The following ZNF385D variants were observed in gnomAD, a reference collection of about 807,000 sequenced individuals.
ZNF385D encodes zinc finger protein 659.
A neutral mutation model predicts 35.8 loss-of-function variants in ZNF385D; 15 were observed. The ratio of observed to expected loss-of-function variants is 0.42; its 90% CI spans 0.28 to 0.64. The LOEUF (loss-of-function observed/expected upper bound fraction) is 0.64, where lower values mean the gene tolerates loss of function less well. Among genes scored for constraint, ZNF385D ranks in the 30% least tolerant of loss-of-function variants. The probability of loss-of-function intolerance (pLI) is 0.23; values close to 1 mark genes in which losing one functional copy is unlikely to be tolerated. For missense variants in ZNF385D, 474 were observed against 494.6 expected (o/e 0.96, Z 0.39); for synonymous variants, 212 against 186.8 (o/e 1.13, Z -1.10).
chr3:22,003,343 A>C (rs1239296095), intron 3 of ZNF385D, among the ~76,000 whole-genome samples: 1 of 152,192 alleles, frequency 6.6e-6, no homozygotes, highest in Non-Finnish European at 1.5e-5. Context: ...CAAAAAAAGC[A>C]TAATTCCTGT....
rs1235961390 is a variant in ZNF385D, at chr3:21,779,328, G to T, written c.326-114300C>A. Among the ~76,000 whole-genome samples, 3 of 151,826 alleles carry T rather than the reference G, an allele frequency of 2.0e-5. No individual in the cohort carries two copies. In the East Asian group the frequency reaches 5.8e-4, roughly 30 times the overall value. The stretch of plus-strand genomic sequence containing the variant: ...TAAGCCCCAAATAGTTCAAGCATTT[G>T]TATTCTGAAACATGTCTAAATAGCC... On this transcript the variant is annotated intron_variant, in intron 3 of 5. Coordinates refer to the ZNF385D transcript ENST00000494108.
chr3:21,414,948 G>A lies in ZNF385D; in HGVS notation c.*6266C>T, dbSNP rs952235036. ...TCATAAGAGACATAAAGCATCTCAC[G>A]AAGGGTCTTTATCCAATATTAGTTG... On this transcript the variant is annotated 3_prime_UTR_variant, in exon 8 of 8. Transcript: ENST00000281523. 3.3e-5 allele frequency: 5 copies of A among 152,102 alleles called. No individual in the cohort carries two copies. The highest frequency in any genetic ancestry group is 7.2e-5 in the African/African-American group (3 of 41,502). The allele number at this position is 152,102 out of a possible 1,614,324, so 9.4% of individuals were successfully genotyped here. A position where few individuals can be genotyped will look rare whatever the true frequency, so the allele number is the denominator to read the frequency against.
intron 2 of ZNF385D, among the ~76,000 whole-genome samples, chr3:22,317,106 C>T (rs1294010620): frequency 1.3e-5 from 2 of 151,534 alleles, no homozygotes; most frequent in African/African-American, 4.8e-5. Flanking sequence ...GGAGAAACCC[C>T]TTCTCTACTA....
intron 3 of ZNF385D, among the ~76,000 whole-genome samples, chr3:21,822,077 T>G (rs183810432): frequency 1.1e-3 from 166 of 152,226 alleles, no homozygotes; most frequent in African/African-American, 3.4e-3. Context: ...TAAAATAATT[T>G]TTTTTCTTTT....
Position 21,581,157 on chromosome 3 carries a change from C to T in ZNF385D, c.166-16473G>A, listed in dbSNP as rs915497475. 4.5e-4 allele frequency among the ~76,000 whole-genome samples: 69 copies of T among 152,178 alleles called. 5 individuals are homozygous for T. The highest frequency in any genetic ancestry group is 2.9e-5 in the Non-Finnish European group (2 of 68,042). On this transcript the variant is annotated intron_variant, in intron 2 of 7. Transcript: ENST00000281523. Reference sequence around the variant, plus strand: ...TTTCTCCATTCATTTTCCATTACTGCTTGCCCCAGACATTTTGCTGCAATA... The same window carrying T: ...TTTCTCCATTCATTTTCCATTACTGTTTGCCCCAGACATTTTGCTGCAATA...
chr3:21,891,366 C>A (rs1698856187), intron 3 of ZNF385D, among the ~76,000 whole-genome samples: 1 of 152,144 alleles, frequency 6.6e-6, no homozygotes, highest in South Asian at 2.1e-4. Flanking sequence ...TAAAGCACAG[C>A]TTTCAAGTAA....
At chr3:22,086,645 G>T (rs966896590) in intron 3 of ZNF385D, among the ~76,000 whole-genome samples, 1 of 152,066 alleles carries the variant, frequency 6.6e-6, no homozygotes, top group Non-Finnish European at 1.5e-5. Flanking sequence ...TGTGTTTGTT[G>T]TGGCACTATT....
chr3:21,695,182 T>G (rs972160767), intron 1 of ZNF385D, among the ~76,000 whole-genome samples: 1 of 152,206 alleles, frequency 6.6e-6, no homozygotes, highest in Admixed American at 6.5e-5. Flanking sequence ...AAAAGCGCGA[T>G]GTGAAAAGCA....
At chr3:21,770,747 C>T (rs191167165) in intron 3 of ZNF385D, among the ~76,000 whole-genome samples, 2,093 of 152,200 alleles carry the variant, frequency 0.014, 46 homozygotes, top group African/African-American at 0.048. Context: ...GGGTATATTC[C>T]CAAATGATTA....
chr3:22,063,128 A>T (rs1474330255), intron 3 of ZNF385D, among the ~76,000 whole-genome samples: 10 of 152,214 alleles, frequency 6.6e-5, no homozygotes, highest in African/African-American at 2.4e-4. Flanking sequence ...CTAAAAGAAG[A>T]CATTCCTGAA....
intron 3 of ZNF385D, among the ~76,000 whole-genome samples, chr3:22,133,403 G>T (rs1404823392): frequency 6.6e-6 from 1 of 152,066 alleles, no homozygotes; most frequent in Middle Eastern, 3.4e-3. Context: ...AGGGAGGGAA[G>T]GAGAGGCAGG....
chr3:21,954,115 T>C (rs915522917), intron 3 of ZNF385D, among the ~76,000 whole-genome samples: 2 of 152,010 alleles, frequency 1.3e-5, no homozygotes, highest in South Asian at 2.1e-4. Context: ...GAAGATAAGA[T>C]ACAACATATG....
chr3:21,823,947 G>A (rs73042727), intron 3 of ZNF385D, among the ~76,000 whole-genome samples: 1 of 152,062 alleles, frequency 6.6e-6, no homozygotes, highest in Non-Finnish European at 1.5e-5. Context: ...TCACTTTATT[G>A]AGAAATCATT....
chr3:22,232,321 C>CT lies in ZNF385D; in HGVS notation c.107-63287dup, dbSNP rs35548918. Among the ~76,000 whole-genome samples the CT allele has an allele frequency of 6.1e-3, 896 of 147,914 alleles. 4 individuals are homozygous for CT. Among genetic ancestry groups the CT allele is most frequent in the Non-Finnish European group, 9.6e-3 (637 of 66,492 alleles). Reference sequence around the variant, plus strand: ...TATTAATGAAATTGTATGATTACACCTTTTTTTTTTTTCAAATTTCCTACT... The same window carrying CT: ...TATTAATGAAATTGTATGATTACACCTTTTTTTTTTTTTCAAATTTCCTACT... On this transcript the variant is annotated intron_variant, in intron 2 of 5. Coordinates refer to the ZNF385D transcript ENST00000494108.
intron 1 of ZNF385D, among the ~76,000 whole-genome samples, chr3:21,734,281 C>T (rs1273141679): frequency 1.7e-5 from 1 of 59,534 alleles, no homozygotes; most frequent in Non-Finnish European, 4.0e-5. Flanking sequence ...CCAGAACACT[C>T]AGGGTTTTTT....
At chr3:21,689,476 T>C (rs1420616116) in intron 1 of ZNF385D, among the ~76,000 whole-genome samples, 1 of 152,146 alleles carries the variant, frequency 6.6e-6, no homozygotes, top group Non-Finnish European at 1.5e-5. Context: ...AAGGGTGGAC[T>C]TGAGGAAAAA....
intron 2 of ZNF385D, among the ~76,000 whole-genome samples, chr3:22,364,895 C>A (rs954864112): frequency 4.6e-5 from 7 of 152,044 alleles, no homozygotes; most frequent in African/African-American, 1.4e-4. Context: ...CATATACACA[C>A]ACAGTGGAAT....
chr3:21,885,590 T>G (rs558536026), intron 3 of ZNF385D, among the ~76,000 whole-genome samples: 58 of 151,992 alleles, frequency 3.8e-4, no homozygotes, highest in Non-Finnish European at 6.0e-4. Flanking sequence ...GAGAATCAAT[T>G]GGTTATAAGA....
chr3:22,003,411 G>A (rs1466966403), intron 3 of ZNF385D, among the ~76,000 whole-genome samples: 1 of 152,118 alleles, frequency 6.6e-6, no homozygotes, highest in African/African-American at 2.4e-5. Flanking sequence ...AAACACTCAT[G>A]AAAGAAATTA....
Sources: gnomAD v4.1 joint callset for allele counts (sites outside exome capture counted in the v4.1 genomes callset) on GRCh38, gnomAD v4.1.1 for gene constraint, MANE v1.5 for transcripts, NCBI Gene and HGNC (gene_info 2026-07-23, HGNC 2026-07-21) for gene names.